CLMP: variants seen among roughly 807,000 people sequenced by gnomAD.
CLMP encodes the protein CXADR-like membrane protein.
Under a neutral mutation model 45.2 loss-of-function variants are expected in CLMP, and 27 were observed. The observed-to-expected ratio is 0.60, with a 90% confidence interval of 0.44 to 0.82. The LOEUF is 0.82. Ranked by LOEUF, CLMP falls within the 40% of genes least tolerant of loss-of-function variation. CLMP has a pLI of 0.00. For missense variants in CLMP, 403 were observed against 448.4 expected (o/e 0.90, Z 0.91); for synonymous variants, 167 against 171.4 (o/e 0.97, Z 0.20).
At chr11:123,120,720 C>A (rs190443133) in intron 1 of CLMP, among the ~76,000 whole-genome samples, 2 of 152,104 alleles carry the variant, frequency 1.3e-5, no homozygotes, top group Admixed American at 1.3e-4. Flanking sequence ...GATACAGTGT[C>A]TTCCATTATG....
At position 123,102,625 on chromosome 11, in the gene CLMP, G is replaced by A. The variant is rs1860469185; in HGVS notation, c.29-4673C>T. Among the ~76,000 whole-genome samples the A allele has an allele frequency of 2.0e-5, 3 of 149,366 alleles. No individual in the cohort carries two copies. In the South Asian group the frequency reaches 6.4e-4, roughly 32 times the overall value. On this transcript the variant is annotated intron_variant, in intron 1 of 6. Transcript: ENST00000448775. ...TAGTCTTGCTCTGTCACCCAGGCTG[G>A]AGTGCAGTGGCTCGATCTCCTCTCA...
intron 1 of CLMP, among the ~76,000 whole-genome samples, chr11:123,155,306 G>A (rs9943547): frequency 0.28 from 42,800 of 152,104 alleles, 6,293 homozygotes; most frequent in African/African-American, 0.35. Flanking sequence ...AGACCTTTCT[G>A]ACTCTGGCAT....
intron 1 of CLMP, among the ~76,000 whole-genome samples, chr11:123,156,855 C>G (rs1861421878): frequency 6.6e-6 from 1 of 152,196 alleles, no homozygotes; most frequent in Non-Finnish European, 1.5e-5. Flanking sequence ...CCATGGATAC[C>G]AATCACTGCT....
At chr11:123,170,689 G>A (rs922046235) in intron 1 of CLMP, among the ~76,000 whole-genome samples, 1 of 152,024 alleles carries the variant, frequency 6.6e-6, no homozygotes, top group Admixed American at 6.6e-5. Flanking sequence ...GATCCACCCC[G>A]CTCGGCCTCC....
chr11:123,174,938 A>G (rs1207113981), intron 1 of CLMP, among the ~76,000 whole-genome samples: 1 of 152,104 alleles, frequency 6.6e-6, no homozygotes, highest in Non-Finnish European at 1.5e-5. Context: ...GGGGCTCTCT[A>G]TTGCAAAAGT....
chr11:123,163,210 G>A (rs910836896), intron 1 of CLMP, among the ~76,000 whole-genome samples: 4 of 152,114 alleles, frequency 2.6e-5, no homozygotes, highest in African/African-American at 9.7e-5. Flanking sequence ...AAAATGCCAC[G>A]GCTAGATCTT....
At chr11:123,123,879 T>C (rs1860854423) in intron 1 of CLMP, among the ~76,000 whole-genome samples, 1 of 151,938 alleles carries the variant, frequency 6.6e-6, no homozygotes, top group Admixed American at 6.6e-5. Context: ...GACCCATAAA[T>C]GATGAAAATC....
intron 1 of CLMP, among the ~76,000 whole-genome samples, chr11:123,184,435 C>G (rs189090290): frequency 6.6e-6 from 1 of 152,194 alleles, no homozygotes; most frequent in Non-Finnish European, 1.5e-5. Flanking sequence ...TTTCTGTGCT[C>G]ATTAGCTGAC....
intron 1 of CLMP, among the ~76,000 whole-genome samples, chr11:123,140,289 T>G (rs1392819797): frequency 6.6e-6 from 1 of 152,092 alleles, no homozygotes; most frequent in Non-Finnish European, 1.5e-5. Context: ...ACCTAAAATA[T>G]CTTTGGTTGT....
rs141554724 is a variant in CLMP, at chr11:123,183,462, C to T, written c.28+11451G>A. Among the ~76,000 whole-genome samples, 1,203 of 152,158 alleles carry T rather than the reference C, an allele frequency of 7.9e-3. 11 individuals are homozygous for T. Among genetic ancestry groups the T allele is most frequent in the Non-Finnish European group, 0.013 (877 of 68,004 alleles). ...GCCAGACTGGTCTCGAACTCCTGAC[C>T]TCAAGTGATTCACCTACCTCGGCCT... On this transcript the variant is annotated intron_variant, in intron 1 of 6. Transcript: ENST00000448775.
chr11:123,121,587 C>T (rs1444519353), intron 1 of CLMP, among the ~76,000 whole-genome samples: 1 of 151,830 alleles, frequency 6.6e-6, no homozygotes, highest in African/African-American at 2.4e-5. Context: ...TGTGAGCCAC[C>T]TCACCTGGCC....
intron 1 of CLMP, among the ~76,000 whole-genome samples, chr11:123,130,850 T>A (rs2135508462): frequency 6.7e-6 from 1 of 149,148 alleles, no homozygotes. Flanking sequence ...CCTTTTTTTT[T>A]TTTTTTTTTT....
intron 1 of CLMP, among the ~76,000 whole-genome samples, chr11:123,112,867 G>A (rs1012919222): frequency 5.9e-4 from 85 of 145,284 alleles, no homozygotes; most frequent in African/African-American, 2.1e-3. Flanking sequence ...TCCGCCTCCC[G>A]GGTTCACGCC....
At chr11:123,125,109 A>C (rs928818862) in intron 1 of CLMP, among the ~76,000 whole-genome samples, 1 of 152,154 alleles carries the variant, frequency 6.6e-6, no homozygotes, top group South Asian at 2.1e-4. Context: ...TGTTGCCTAG[A>C]TGGGTCTTGA....
chr11:123,134,853 C>T (rs1861047710), intron 1 of CLMP, among the ~76,000 whole-genome samples: 1 of 152,036 alleles, frequency 6.6e-6, no homozygotes, highest in African/African-American at 2.4e-5. Context: ...GTCAGTGTGC[C>T]AGCACACTGT....
intron 1 of CLMP, among the ~76,000 whole-genome samples, chr11:123,184,352 T>C (rs1376378310): frequency 6.6e-6 from 1 of 152,158 alleles, no homozygotes; most frequent in Non-Finnish European, 1.5e-5. Flanking sequence ...CGCCTCGGCC[T>C]CCCAAATGCA....
chr11:123,161,349 A>AAAAAATC (rs1469427837), intron 1 of CLMP, among the ~76,000 whole-genome samples: 5 of 152,068 alleles, frequency 3.3e-5, no homozygotes, highest in Non-Finnish European at 5.9e-5. Flanking sequence ...TGCATGTGAG[A>AAAAAATC]AGCACTGATT....
chr11:123,136,864 T>C (rs1861080447), intron 1 of CLMP, among the ~76,000 whole-genome samples: 1 of 151,892 alleles, frequency 6.6e-6, no homozygotes, highest in African/African-American at 2.4e-5. Context: ...CACGACGCCC[T>C]GTCACCTTTG....
intron 1 of CLMP, among the ~76,000 whole-genome samples, chr11:123,153,984 C>T (rs375453319): frequency 1.3e-5 from 2 of 152,084 alleles, no homozygotes; most frequent in Non-Finnish European, 2.9e-5. Flanking sequence ...CCTCTCCTGG[C>T]CTCCCTTTTA....
Sources: allele counts gnomAD v4.1 joint callset (sites outside exome capture counted in the v4.1 genomes callset), GRCh38; gene constraint gnomAD v4.1.1; transcripts MANE v1.5; gene names NCBI Gene and HGNC (gene_info 2026-07-23, HGNC 2026-07-21).